ERGIC1: variants seen among roughly 807,000 people sequenced by gnomAD.
The protein encoded by ERGIC1 is endoplasmic reticulum-golgi intermediate compartment 1.
In ERGIC1, 19 loss-of-function variants were observed where a neutral mutation model predicts 38.3. The ratio of observed to expected loss-of-function variants is 0.50; its 90% CI spans 0.35 to 0.73. The LOEUF is 0.73. ERGIC1 is among the 30% of genes least tolerant of loss of function. The pLI is 0.01. For synonymous variants in ERGIC1, 124 were observed against 157.6 expected (o/e 0.79, Z 1.60); for missense variants, 294 against 389.2 (o/e 0.76, Z 2.06).
chr5:172,854,243 A>G (rs1184735536), intron 1 of ERGIC1, among the ~76,000 whole-genome samples: 1 of 151,546 alleles, frequency 6.6e-6, no homozygotes. Context: ...TTAGCTGGGC[A>G]TGGTGGCCTG....
intron 1 of ERGIC1, among the ~76,000 whole-genome samples, chr5:172,868,267 A>T (rs912606456): frequency 6.6e-6 from 1 of 152,232 alleles, no homozygotes; most frequent in African/African-American, 2.4e-5. Flanking sequence ...GTCCAAAGTC[A>T]TGCAGCTAAT....
At chr5:172,852,611 G>A (rs1761438316) in intron 1 of ERGIC1, among the ~76,000 whole-genome samples, 1 of 152,216 alleles carries the variant, frequency 6.6e-6, no homozygotes, top group Non-Finnish European at 1.5e-5. Context: ...GACACTGAAA[G>A]CCCTTTTTAA....
At chr5:172,890,703 T>C (rs1017839914) in intron 2 of ERGIC1, among the ~76,000 whole-genome samples, 1 of 152,150 alleles carries the variant, frequency 6.6e-6, no homozygotes, top group Non-Finnish European at 1.5e-5. Context: ...GAGCCACGAC[T>C]CATACTCAGG....
chr5:172,891,105 A>G (rs897219254), intron 2 of ERGIC1, among the ~76,000 whole-genome samples: 3 of 152,206 alleles, frequency 2.0e-5, no homozygotes, highest in African/African-American at 4.8e-5. Flanking sequence ...TGTCTTGTGC[A>G]GGGCACGTAC....
At chr5:172,877,947 C>T (rs1198073124) in intron 1 of ERGIC1, among the ~76,000 whole-genome samples, 1 of 152,184 alleles carries the variant, frequency 6.6e-6, no homozygotes, top group African/African-American at 2.4e-5. Context: ...CGGGTATAGT[C>T]CCCAGAGCCT....
chr5:172,891,640 A>G (rs907387207), intron 2 of ERGIC1, among the ~76,000 whole-genome samples: 2 of 152,014 alleles, frequency 1.3e-5, no homozygotes, highest in Non-Finnish European at 2.9e-5. Context: ...AGGCTTCACC[A>G]TGTTGGCCAG....
chr5:172,930,735 C>T (rs1027011017), intron 7 of ERGIC1, among the ~76,000 whole-genome samples: 1 of 152,126 alleles, frequency 6.6e-6, no homozygotes, highest in Admixed American at 6.5e-5. Context: ...GGGCAATGGG[C>T]GTTTGGACAC....
rs1554105690 is a variant in ERGIC1 at position 172,834,587 on chromosome 5, C to CCG, written c.20+155_20+156insGC. On this transcript the variant is annotated intron_variant, in intron 1 of 9. Transcript: ENST00000393784. The surrounding 1 kb of genome is among the most constrained non-coding windows in gnomAD (Gnocchi z 4.1). ...CCTAGGGACCCCAGGCGAGCCCCCC[C>CCG]CCTGCCGCACACGAAGCCAGCCAGA... Among the ~76,000 whole-genome samples the CCG allele has an allele frequency of 4.4e-4, 58 of 133,050 alleles. 1 individual carries two copies. The highest frequency in any genetic ancestry group is 2.2e-3 in the Admixed American group (29 of 13,206). 87.3% of individuals were successfully genotyped at this position (133,050 alleles called of 152,430 possible).
chr5:172,867,031 T>C, intron 1 of ERGIC1: 1 of 385,010 alleles, frequency 2.6e-6, no homozygotes. Flanking sequence ...ATGATGCAGA[T>C]GGAGATGATG....
At position 172,837,700 on chromosome 5, in the gene ERGIC1, T is replaced by A. The variant is rs1447411242; in HGVS notation, c.20+3267T>A. Among the ~76,000 whole-genome samples the A allele has an allele frequency of 6.6e-6, 1 of 152,212 alleles. No individual in the cohort carries two copies. Among genetic ancestry groups the A allele is most frequent in the Non-Finnish European group, 1.5e-5 (1 of 68,028 alleles). ...TGCCGTTCCTAGGTTGTTTTTGGGG[T>A]TAAGGAAGGAGGCAGAACGCAGGGG... is the stretch of plus-strand genomic sequence containing the variant. On this transcript the variant is annotated intron_variant, in intron 1 of 9. Coordinates refer to ENST00000393784, the MANE Select transcript of ERGIC1 (RefSeq NM_001031711.3). This position sits in a 1 kb window ranked among gnomAD's most constrained non-coding sequence, Gnocchi z 4.3.
intron 4 of ERGIC1, among the ~76,000 whole-genome samples, chr5:172,911,846 T>C (rs1162697476): frequency 6.6e-6 from 1 of 152,110 alleles, no homozygotes; most frequent in Non-Finnish European, 1.5e-5. Flanking sequence ...AAAAATAATA[T>C]GTTTTTTAAA....
intron 9 of ERGIC1, among the ~76,000 whole-genome samples, chr5:172,946,206 G>GT (rs1453588576): frequency 6.6e-6 from 1 of 152,184 alleles, no homozygotes; most frequent in Admixed American, 6.5e-5. Context: ...GACTCCCCTG[G>GT]AGAGGCCCAG....
At position 172,926,934 on chromosome 5, in the gene ERGIC1, C is replaced by G; in HGVS notation, c.541+365C>G. The G allele has an allele frequency of 3.9e-6, 1 of 254,126 alleles. No homozygotes were observed. Among genetic ancestry groups the G allele is most frequent in the South Asian group, 4.8e-5 (1 of 20,626 alleles). 15.7% of individuals were successfully genotyped at this position (254,126 alleles called of 1,614,324 possible). A position where few individuals can be genotyped will look rare whatever the true frequency, so the allele number is the denominator to read the frequency against. On this transcript the variant is annotated intron_variant, in intron 7 of 9. Transcript: ENST00000393784. This position sits in a 1 kb window ranked among gnomAD's most constrained non-coding sequence, Gnocchi z 5.2. Reference sequence around the variant, plus strand: ...ACCAGGATCTGTTCTGCCTCCAGGTCGCACCGTGAGAACAGGTCTGTGGGT... The same window carrying G: ...ACCAGGATCTGTTCTGCCTCCAGGTGGCACCGTGAGAACAGGTCTGTGGGT...
intron 9 of ERGIC1, among the ~76,000 whole-genome samples, chr5:172,949,883 G>A (rs1764196106): frequency 6.6e-6 from 1 of 152,070 alleles, no homozygotes; most frequent in Non-Finnish European, 1.5e-5. Context: ...GGCTAACACG[G>A]TGAAACACCC....
intron 4 of ERGIC1, among the ~76,000 whole-genome samples, chr5:172,913,353 T>G (rs1434400306): frequency 2.0e-5 from 3 of 152,224 alleles, no homozygotes; most frequent in Non-Finnish European, 2.9e-5. Context: ...TGGACACACA[T>G]TGTGGATCTA....
chr5:172,865,566 A>G (rs1442408444), intron 1 of ERGIC1, among the ~76,000 whole-genome samples: 1 of 152,164 alleles, frequency 6.6e-6, no homozygotes, highest in East Asian at 1.9e-4. Flanking sequence ...CCCCCAGATC[A>G]AGGTGCACAC....
chr5:172,839,199 C>A (rs1761098039), intron 1 of ERGIC1, among the ~76,000 whole-genome samples: 1 of 149,372 alleles, frequency 6.7e-6, no homozygotes, highest in South Asian at 2.1e-4. Context: ...TGAGATCTTG[C>A]CACTGTACTC....
intron 2 of ERGIC1, among the ~76,000 whole-genome samples, chr5:172,895,178 T>C (rs1443098294): frequency 6.6e-6 from 1 of 152,166 alleles, no homozygotes; most frequent in Non-Finnish European, 1.5e-5. Flanking sequence ...ACCAAACCCT[T>C]CCCACATCTC....
chr5:172,893,935 G>GTGTGTGTATATATATA (rs1429850022), intron 2 of ERGIC1, among the ~76,000 whole-genome samples: 1 of 42,832 alleles, frequency 2.3e-5, no homozygotes, highest in Non-Finnish European at 4.6e-5. Flanking sequence ...GTGTGTGTGT[G>GTGTGTGTATATATATA]TATATATATA....
Sources: allele counts gnomAD v4.1 joint callset (sites outside exome capture counted in the v4.1 genomes callset), GRCh38; gene constraint gnomAD v4.1.1; non-coding constraint Gnocchi (gnomAD v3.1); transcripts MANE v1.5; gene names NCBI Gene and HGNC (gene_info 2026-07-23, HGNC 2026-07-21).